Variants in SNTG1 observed in about 807,000 individuals in gnomAD.
The protein encoded by SNTG1 is syntrophin gamma 1.
In SNTG1, 39 loss-of-function variants were observed where a neutral mutation model predicts 74.7. That is an observed-to-expected ratio of 0.52 (90% CI 0.40 to 0.68). SNTG1 has a LOEUF of 0.68. SNTG1 is among the 30% of genes least tolerant of loss of function. The probability of loss-of-function intolerance (pLI) is 0.00; values close to 1 mark genes in which losing one functional copy is unlikely to be tolerated. For missense variants in SNTG1, 685 were observed against 609.5 expected (o/e 1.12, Z -1.30); for synonymous variants, 254 against 217.1 (o/e 1.17, Z -1.49).
At chr8:50,412,248 T>A (rs2092958543) in intron 4 of SNTG1, among the ~76,000 whole-genome samples, 2 of 152,188 alleles carry the variant, frequency 1.3e-5, no homozygotes, top group South Asian at 4.1e-4. Context: ...ATATGAGATT[T>A]TCTTTATACA....
At chr8:50,687,229 T>A (rs1334806365) in intron 15 of SNTG1, among the ~76,000 whole-genome samples, 9 of 138,076 alleles carry the variant, frequency 6.5e-5, no homozygotes, top group Non-Finnish European at 9.5e-5. Flanking sequence ...CAGCGAGAGA[T>A]GAAAAATGAA....
intron 1 of SNTG1, among the ~76,000 whole-genome samples, chr8:49,936,340 G>A (rs1043371642): frequency 3.3e-5 from 5 of 151,838 alleles, no homozygotes; most frequent in Non-Finnish European, 5.9e-5. Flanking sequence ...TGAAAGTGTC[G>A]AGGTCCCTTT....
At chr8:49,963,337 T>C (rs1563402212) in intron 1 of SNTG1, among the ~76,000 whole-genome samples, 1 of 152,220 alleles carries the variant, frequency 6.6e-6, no homozygotes, top group Non-Finnish European at 1.5e-5. Context: ...AAAATGTCTT[T>C]TGGCACATTG....
intron 1 of SNTG1, among the ~76,000 whole-genome samples, chr8:50,160,672 C>T (rs1179632846): frequency 6.6e-6 from 1 of 151,980 alleles, no homozygotes; most frequent in Non-Finnish European, 1.5e-5. Flanking sequence ...CTGAAATCTC[C>T]CTTAGAAATA....
chr8:50,511,438 G>T (rs1184017472), intron 9 of SNTG1, among the ~76,000 whole-genome samples: 2 of 152,140 alleles, frequency 1.3e-5, no homozygotes, highest in East Asian at 1.9e-4. Flanking sequence ...GGTCTGCTTG[G>T]TGCAGAGCTG....
chr8:50,032,246 T>C (rs1459880141), intron 1 of SNTG1, among the ~76,000 whole-genome samples: 2 of 152,080 alleles, frequency 1.3e-5, no homozygotes, highest in East Asian at 1.9e-4. Flanking sequence ...GAATCAACTT[T>C]TGTTTTATTG....
intron 2 of SNTG1, among the ~76,000 whole-genome samples, chr8:50,303,620 G>T (rs895051609): frequency 6.6e-6 from 1 of 151,866 alleles, no homozygotes; most frequent in Non-Finnish European, 1.5e-5. Context: ...TCAAATAGTA[G>T]GTGAATTTAC....
At chr8:50,606,014 A>G (rs1297485514) in intron 13 of SNTG1, among the ~76,000 whole-genome samples, 1 of 152,008 alleles carries the variant, frequency 6.6e-6, no homozygotes, top group Non-Finnish European at 1.5e-5. Context: ...GTGTATTTGA[A>G]TTTCCTTTGC....
chr8:49,932,779 C>T (rs192364574), intron 1 of SNTG1, among the ~76,000 whole-genome samples: 26 of 152,236 alleles, frequency 1.7e-4, no homozygotes, highest in Admixed American at 1.7e-3. Context: ...CCTCATTCTC[C>T]TTTCCTCCCA....
intron 1 of SNTG1, among the ~76,000 whole-genome samples, chr8:50,079,741 T>C (rs1267183838): frequency 6.6e-6 from 1 of 152,194 alleles, no homozygotes; most frequent in African/African-American, 2.4e-5. Flanking sequence ...AATTTTTGTA[T>C]AAGTATAAGA....
At chr8:50,291,922 G>T (rs2089133961) in intron 2 of SNTG1, among the ~76,000 whole-genome samples, 1 of 152,100 alleles carries the variant, frequency 6.6e-6, no homozygotes, top group African/African-American at 2.4e-5. Context: ...TTGTTTTGGA[G>T]TGTCCAATGG....
intron 2 of SNTG1, among the ~76,000 whole-genome samples, chr8:50,261,976 A>G (rs936220841): frequency 1.3e-5 from 2 of 152,164 alleles, no homozygotes; most frequent in African/African-American, 4.8e-5. Context: ...TAAAATATAG[A>G]GAATTTGGCA....
chr8:50,469,717 G>A (rs568678709), intron 8 of SNTG1, among the ~76,000 whole-genome samples: 4 of 152,256 alleles, frequency 2.6e-5, no homozygotes, highest in East Asian at 3.9e-4. Context: ...GGTGGCTCAC[G>A]CCTGTAATCC....
At chr8:50,241,326 G>A (rs1316025707) in intron 2 of SNTG1, among the ~76,000 whole-genome samples, 1 of 152,160 alleles carries the variant, frequency 6.6e-6, no homozygotes, top group African/African-American at 2.4e-5. Flanking sequence ...GCAATGGCTT[G>A]CCATCAGAGA....
chr8:49,974,776 T>C (rs528882834), intron 1 of SNTG1, among the ~76,000 whole-genome samples: 92 of 152,294 alleles, frequency 6.0e-4, no homozygotes, highest in African/African-American at 2.2e-3. Context: ...TAAGTTTTAT[T>C]GCTGAAAGTT....
chr8:49,927,188 T>C (rs1378317681), intron 1 of SNTG1, among the ~76,000 whole-genome samples: 3 of 152,138 alleles, frequency 2.0e-5, no homozygotes, highest in Non-Finnish European at 4.4e-5. Flanking sequence ...TGGAATACAG[T>C]TGGGGACTTT....
At chr8:50,379,001 C>A (rs2092436350) in intron 2 of SNTG1, among the ~76,000 whole-genome samples, 2 of 152,098 alleles carry the variant, frequency 1.3e-5, no homozygotes, top group African/African-American at 2.4e-5. Context: ...CAGGGTCTTG[C>A]CCCCTTTCAC....
intron 13 of SNTG1, among the ~76,000 whole-genome samples, chr8:50,655,596 G>A (rs1161453490): frequency 2.6e-5 from 4 of 152,082 alleles, no homozygotes; most frequent in African/African-American, 9.7e-5. Flanking sequence ...TGTTAATTCA[G>A]GGACTTTATA....
intron 13 of SNTG1, among the ~76,000 whole-genome samples, chr8:50,610,437 C>T (rs992318929): frequency 6.6e-6 from 1 of 152,082 alleles, no homozygotes; most frequent in Non-Finnish European, 1.5e-5. Context: ...GCATAGCTTC[C>T]TACTCAGCCA....
Sources: gnomAD v4.1 joint callset for allele counts (sites outside exome capture counted in the v4.1 genomes callset) on GRCh38, gnomAD v4.1.1 for gene constraint, MANE v1.5 for transcripts, NCBI Gene and HGNC (gene_info 2026-07-23, HGNC 2026-07-21) for gene names.